The following TAFA2 variants were observed in gnomAD, a reference collection of about 807,000 sequenced individuals.
TAFA2 encodes the protein chemokine-like protein TAFA-2.
TAFA2 carries 7 observed loss-of-function variants against 18.8 expected under a neutral mutation model. The ratio of observed to expected loss-of-function variants is 0.37; its 90% CI spans 0.21 to 0.70. TAFA2 has a LOEUF of 0.70. Ranked by LOEUF, TAFA2 falls within the 30% of genes least tolerant of loss-of-function variation. The pLI is 0.53. For missense variants in TAFA2, 122 were observed against 158.1 expected (o/e 0.77, Z 1.23); for synonymous variants, 60 against 54.2 (o/e 1.11, Z -0.47).
chr12:61,843,012 C>T (rs1014942609), intron 2 of TAFA2, among the ~76,000 whole-genome samples: 14 of 151,916 alleles, frequency 9.2e-5, no homozygotes, highest in African/African-American at 2.9e-4. Context: ...AGAAGAAACC[C>T]GACATGCAGA....
At chr12:61,855,314 A>G (rs12302650) in intron 2 of TAFA2, among the ~76,000 whole-genome samples, 8,227 of 152,278 alleles carry the variant, frequency 0.054, 773 homozygotes, top group African/African-American at 0.19. Flanking sequence ...TAAAATGCCA[A>G]GTATTTTATT....
chr12:62,160,433 C>T (rs1350445244), intron 1 of TAFA2, among the ~76,000 whole-genome samples: 1 of 152,156 alleles, frequency 6.6e-6, no homozygotes, highest in South Asian at 2.1e-4. Context: ...AAGGCCTTGG[C>T]CAGTTGCATT....
At chr12:62,230,997 G>A (rs2062809844) in intron 1 of TAFA2, among the ~76,000 whole-genome samples, 1 of 152,174 alleles carries the variant, frequency 6.6e-6, no homozygotes, top group South Asian at 2.1e-4. Flanking sequence ...ATATGCCAAT[G>A]AGAAAAATAT....
At chr12:61,873,305 A>AT (rs1874701334) in intron 1 of TAFA2, among the ~76,000 whole-genome samples, 2 of 150,736 alleles carry the variant, frequency 1.3e-5, no homozygotes, top group Non-Finnish European at 3.0e-5. Flanking sequence ...ATTAATTTTT[A>AT]TTATTATTAT....
chr12:62,242,331 G>GA (rs781160517), intron 1 of TAFA2: 2 of 152,082 alleles, frequency 1.3e-5, no homozygotes, highest in South Asian at 2.1e-4. Flanking sequence ...CTTAAAAAAA[G>GA]AAAAAAGGAA....
At position 61,725,893 on chromosome 12, in the gene TAFA2, T is replaced by C. The variant is rs374397627; in HGVS notation, c.385-15476A>G. Among the ~76,000 whole-genome samples, 20 of 152,188 alleles carry C rather than the reference T, an allele frequency of 1.3e-4. No individual in the cohort carries two copies. The South Asian group carries it at 3.7e-3, about 28-fold the overall frequency. ...TGCAGACACAAAGGCATAAGAATGA[T>C]ACAATAAACTTTGGGGATTTGGGGA... On this transcript the variant is annotated intron_variant, in intron 4 of 4. Transcript: ENST00000416284.
At chr12:62,152,438 T>C (rs982778207) in intron 1 of TAFA2, among the ~76,000 whole-genome samples, 1 of 152,236 alleles carries the variant, frequency 6.6e-6, no homozygotes, top group Non-Finnish European at 1.5e-5. Flanking sequence ...TTAGAGATTT[T>C]ACTTATGCAT....
intron 2 of TAFA2, among the ~76,000 whole-genome samples, chr12:61,852,206 C>T (rs1476028936): frequency 2.4e-5 from 2 of 83,188 alleles, no homozygotes; most frequent in Non-Finnish European, 5.9e-5. Context: ...AACTTCGTCT[C>T]AAAAAAAAAA....
chr12:61,831,865 G>T (rs1324189522), intron 2 of TAFA2, among the ~76,000 whole-genome samples: 2 of 151,666 alleles, frequency 1.3e-5, no homozygotes, highest in Non-Finnish European at 2.9e-5. Flanking sequence ...GCTACCCCAC[G>T]ACAGGCCCCG....
chr12:61,885,356 A>G (rs114202344), intron 1 of TAFA2, among the ~76,000 whole-genome samples: 1,724 of 152,326 alleles, frequency 0.011, 28 homozygotes, highest in African/African-American at 0.039. Flanking sequence ...GAAGAATGAC[A>G]TAGTGCCAGG....
intron 1 of TAFA2, among the ~76,000 whole-genome samples, chr12:62,147,330 A>ATATATATATATGTG (rs1565760157): frequency 1.9e-4 from 4 of 20,866 alleles, no homozygotes; most frequent in Non-Finnish European, 3.8e-4. Flanking sequence ...ATGTATGTAT[A>ATATATATATATGTG]TATATATATA....
upstream of TAFA2, among the ~76,000 whole-genome samples, chr12:62,193,999 T>A (rs967699388): frequency 6.6e-6 from 1 of 152,224 alleles, no homozygotes; most frequent in Non-Finnish European, 1.5e-5. Context: ...TATGGCATAT[T>A]TGACTTTGTC....
At chr12:62,091,970 C>G (rs1019992418) in intron 1 of TAFA2, among the ~76,000 whole-genome samples, 4 of 151,954 alleles carry the variant, frequency 2.6e-5, no homozygotes, top group Non-Finnish European at 4.4e-5. Context: ...TGACACTGAA[C>G]AATAATACTG....
intron 1 of TAFA2, among the ~76,000 whole-genome samples, chr12:61,951,248 A>G (rs1465480858): frequency 1.3e-5 from 2 of 152,206 alleles, no homozygotes; most frequent in East Asian, 1.9e-4. Flanking sequence ...ACGCTGTAAG[A>G]GTGATGCTTA....
intron 2 of TAFA2, among the ~76,000 whole-genome samples, chr12:61,834,122 T>G (rs1872824203): frequency 6.6e-6 from 1 of 152,044 alleles, no homozygotes; most frequent in Admixed American, 6.6e-5. Context: ...CAGGCACTTA[T>G]CTAAATGCTT....
At chr12:62,127,622 G>A (rs117206906) in intron 1 of TAFA2, among the ~76,000 whole-genome samples, 2,500 of 151,970 alleles carry the variant, frequency 0.016, 28 homozygotes, top group Non-Finnish European at 0.026. Context: ...TGAACTTCAC[G>A]GTAGGCTTTG....
intron 1 of TAFA2, among the ~76,000 whole-genome samples, chr12:62,079,984 C>G (rs1868294952): frequency 6.6e-6 from 1 of 152,214 alleles, no homozygotes; most frequent in Non-Finnish European, 1.5e-5. Context: ...CTGCTCAGAT[C>G]TTATAGGCTA....
intron 2 of TAFA2, among the ~76,000 whole-genome samples, chr12:61,851,584 G>A (rs1160098934): frequency 6.6e-6 from 1 of 150,922 alleles, no homozygotes; most frequent in Non-Finnish European, 1.5e-5. Context: ...AGACCATCCT[G>A]GCTAACACGG....
chr12:62,241,885 C>T (rs1227481356), intron 1 of TAFA2, among the ~76,000 whole-genome samples: 1 of 152,148 alleles, frequency 6.6e-6, no homozygotes, highest in East Asian at 1.9e-4. Context: ...CCCACTTACA[C>T]AAGTCCCTGT....
Sources: gnomAD v4.1 joint callset for allele counts (sites outside exome capture counted in the v4.1 genomes callset) on GRCh38, gnomAD v4.1.1 for gene constraint, MANE v1.5 for transcripts, NCBI Gene and HGNC (gene_info 2026-07-23, HGNC 2026-07-21) for gene names.